DLEC1: variants seen among roughly 807,000 people sequenced by gnomAD.
DLEC1 encodes deleted in lung and esophageal cancer protein 1.
Under a neutral mutation model 198.1 loss-of-function variants are expected in DLEC1, and 146 were observed. The ratio of observed to expected loss-of-function variants is 0.74; its 90% confidence interval spans 0.64 to 0.85. The LOEUF is 0.85. Among genes scored for constraint, DLEC1 ranks in the 40% least tolerant of loss-of-function variants. The pLI is 0.00. For missense variants in DLEC1, 2,233 were observed against 2,220.0 expected (o/e 1.01, Z -0.12); for synonymous variants, 897 against 866.8 (o/e 1.03, Z -0.61).
At chr3:38,072,387 G>T (rs1559416528) in intron 6 of DLEC1, among the ~76,000 whole-genome samples, 1 of 152,238 alleles carries the variant, frequency 6.6e-6, no homozygotes, top group Non-Finnish European at 1.5e-5. Flanking sequence ...ACGGAGACAT[G>T]ATGGCCAGCC....
Position 38,107,567 on chromosome 3 carries a change from G to C in DLEC1, c.2865-17G>C. ...TTCTTTTCTAATCAGTATGCCTTTT[G>C]TTTCCTCGTGTTCCAGCTACCTTCC... On this transcript the variant is annotated splice_polypyrimidine_tract_variant and intron_variant, in intron 19 of 36. Coordinates refer to ENST00000308059, the MANE Select transcript of DLEC1 (RefSeq NM_007335.4). 6.3e-7 allele frequency: 1 copy of C among 1,579,396 alleles called. No homozygotes were observed. Among genetic ancestry groups the C allele is most frequent in the Non-Finnish European group, 8.6e-7 (1 of 1,159,830 alleles).
At chr3:38,108,570 C>T (rs1041679142) in intron 21 of DLEC1, 55 bp downstream of exon 21, 36 of 1,402,346 alleles carry the variant, frequency 2.6e-5, no homozygotes, top group African/African-American at 1.4e-4. Context: ...GCCAACCATA[C>T]GCACCTGTGC....
At chr3:38,070,867 G>C (rs1367096057) in intron 6 of DLEC1, among the ~76,000 whole-genome samples, 1 of 152,156 alleles carries the variant, frequency 6.6e-6, no homozygotes, top group Admixed American at 6.5e-5. Context: ...GTTACTTCAG[G>C]CCATCTGGGC....
chr3:38,093,778 C>T lies in DLEC1; in HGVS notation c.1919+11C>T. On this transcript the variant is annotated intron_variant, in intron 12 of 36. Transcript: ENST00000308059. ...TATTAGAAATGCTACGTGGGTAACC[C>T]CTGTGTGTGCCCCAATACCCAACCC... is the stretch of plus-strand genomic sequence containing the variant. 6.2e-7 allele frequency: 1 copy of T among 1,613,260 alleles called. No homozygotes were observed. Among genetic ancestry groups the T allele is most frequent in the Non-Finnish European group, 8.5e-7 (1 of 1,179,844 alleles).
At chr3:38,065,447 T>A (rs1696977368) in intron 6 of DLEC1, among the ~76,000 whole-genome samples, 2 of 152,130 alleles carry the variant, frequency 1.3e-5, no homozygotes, top group African/African-American at 2.4e-5. Flanking sequence ...TTTTTAACTG[T>A]ACACAAAACT....
At chr3:38,111,596 G>C in intron 23 of DLEC1, 81 bp from the exon 24 acceptor site, 1 of 1,475,142 alleles carries the variant, frequency 6.8e-7, no homozygotes, top group East Asian at 2.4e-5. Flanking sequence ...CTGGTAGAAT[G>C]CTGGTTGCTC....
At chr3:38,047,808 C>A (rs1333839649) in intron 2 of DLEC1, among the ~76,000 whole-genome samples, 2 of 152,118 alleles carry the variant, frequency 1.3e-5, no homozygotes, top group Non-Finnish European at 1.5e-5. Flanking sequence ...TTAGGGGTTA[C>A]AAATTATAAT....
Position 38,109,537 on chromosome 3 carries a change from A to T in DLEC1, c.3235A>T (p.Ile1079Phe). The change falls in exon 22 of 37, where the codon ATC becomes TTC. Residue 1079 changes from isoleucine (I) to phenylalanine (F), a missense_variant. Ile to Phe is a conservative substitution (Grantham distance 21). Coordinates refer to ENST00000308059, the MANE Select transcript of DLEC1 (RefSeq NM_007335.4). ...KPQGLQVAIT[I>F]SKESSDCSTE... Reference sequence around the variant, plus strand: ...CCAGGGACTGCAAGTGGCCATTACCATCTCTAAGGAGAGCTCTGATTGCAG... The same window carrying T: ...CCAGGGACTGCAAGTGGCCATTACCTTCTCTAAGGAGAGCTCTGATTGCAG... 1.2e-6 allele frequency: 2 copies of T among 1,614,128 alleles called. No homozygotes were observed. The highest frequency in any genetic ancestry group is 1.7e-6 in the Non-Finnish European group (2 of 1,179,998).
chr3:38,085,382 A>C lies in DLEC1; in HGVS notation c.1370A>C (p.Glu457Ala). The C allele has an allele frequency of 6.2e-7, 1 of 1,614,082 alleles. No homozygotes were observed. The highest frequency in any genetic ancestry group is 8.5e-7 in the Non-Finnish European group (1 of 1,179,996). Residue 457 changes from glutamate (E) to alanine (A), a missense_variant, in exon 8 of 37, where the codon GAG becomes GCG. By Grantham distance (107) the Glu-to-Ala change is moderately radical. Coordinates refer to ENST00000308059, the MANE Select transcript of DLEC1 (RefSeq NM_007335.4). ...LGDFDDFILV[E>A]TQSAHTLLIP... ...GATTTTGATGATTTTATTTTAGTGG[A>C]GACCCAGTCAGCCCACACACTTCTG...
chr3:38,065,146 G>A (rs1442253382), intron 6 of DLEC1, among the ~76,000 whole-genome samples: 3 of 152,242 alleles, frequency 2.0e-5, no homozygotes, highest in South Asian at 4.1e-4. Context: ...AGACCAGCCC[G>A]GCCAGCACAG....
Position 38,122,111 on chromosome 3 carries a change from C to T in DLEC1, c.5061C>T (p.Val1687=). The T allele has an allele frequency of 6.2e-7, 1 of 1,614,144 alleles. No homozygotes were observed. Among genetic ancestry groups the T allele is most frequent in the Non-Finnish European group, 8.5e-7 (1 of 1,179,986 alleles). Residue 1687 remains valine (V), a synonymous_variant, in exon 36 of 37, where the codon GTC becomes GTT. Transcript: ENST00000308059. ...CCAAGGCCGCTGTGGCCTTCAGGGT[C>T]TCCCCAAACAGTGGGCTGCTAGAAG... The part of the protein sequence containing the change: ...EPAKAAVAFR[V]SPNSGLLEAR...
intron 10 of DLEC1, among the ~76,000 whole-genome samples, chr3:38,090,952 C>T (rs1021225649): frequency 6.6e-6 from 1 of 152,168 alleles, no homozygotes; most frequent in Non-Finnish European, 1.5e-5. Context: ...CCACCCTGCT[C>T]TTCTAGATTA....
At chr3:38,049,048 G>A (rs1700997923) in intron 2 of DLEC1, among the ~76,000 whole-genome samples, 1 of 150,660 alleles carries the variant, frequency 6.6e-6, no homozygotes, top group Non-Finnish European at 1.5e-5. Context: ...AGAGATTAGG[G>A]GAGATTAAAT....
At chr3:38,103,297 G>A (rs979573793) in intron 19 of DLEC1, 1 of 152,242 alleles carries the variant, frequency 6.6e-6, no homozygotes, top group South Asian at 2.1e-4. Context: ...CTCTGGGGCT[G>A]GAGCCCTGAC....
intron 13 of DLEC1, chr3:38,095,677 G>C (rs916306220): frequency 7.0e-6 from 4 of 574,702 alleles, no homozygotes; most frequent in Admixed American, 3.0e-5. Context: ...GCCCAGCTGA[G>C]ACAGGCCCCT....
intron 26 of DLEC1, 112 bp from the exon 27 acceptor site, chr3:38,114,871 C>T: frequency 1.1e-6 from 1 of 924,406 alleles, no homozygotes; most frequent in Non-Finnish European, 1.7e-6. Context: ...TCGAGTGAGG[C>T]CAGACCACTG....
intron 2 of DLEC1, chr3:38,052,315 G>T: frequency 2.5e-6 from 1 of 401,662 alleles, no homozygotes; most frequent in South Asian, 2.4e-5. Context: ...CCGGGACCAC[G>T]AGTACCTGCA....
intron 27 of DLEC1, among the ~76,000 whole-genome samples, chr3:38,115,943 G>C (rs1224692863): frequency 6.6e-6 from 1 of 152,096 alleles, no homozygotes; most frequent in Middle Eastern, 3.2e-3. Flanking sequence ...TCAGAGGGAC[G>C]GCACAGTTCA....
At chr3:38,115,766 C>T (rs558429467) in intron 27 of DLEC1, among the ~76,000 whole-genome samples, 1 of 152,120 alleles carries the variant, frequency 6.6e-6, no homozygotes, top group South Asian at 2.1e-4. Flanking sequence ...GGTGGGGCTA[C>T]CGGCTGGGTG....
Sources: allele counts gnomAD v4.1 joint callset (sites outside exome capture counted in the v4.1 genomes callset), GRCh38; gene constraint gnomAD v4.1.1; transcripts MANE v1.5; gene names NCBI Gene and HGNC (gene_info 2026-07-23, HGNC 2026-07-21).